DPP10: variants seen among roughly 807,000 people sequenced by gnomAD.
DPP10 encodes the protein dipeptidyl peptidase like 10, also known as inactive dipeptidyl peptidase 10.
In DPP10, 33 loss-of-function variants were observed where a neutral mutation model predicts 120.9. The ratio of observed to expected loss-of-function variants is 0.27; its 90% CI spans 0.21 to 0.37. DPP10 has a LOEUF of 0.37. Among genes scored for constraint, DPP10 ranks in the 10% least tolerant of loss-of-function variants. The pLI, the probability that DPP10 is intolerant of heterozygous loss-of-function variation, is 1.00. For synonymous variants in DPP10, 337 were observed against 326.1 expected (o/e 1.03, Z -0.36); for missense variants, 816 against 942.8 (o/e 0.87, Z 1.76).
At chr2:114,956,986 C>CAAA (rs764400761) in intron 1 of DPP10, among the ~76,000 whole-genome samples, 27,660 of 106,114 alleles carry the variant, frequency 0.26, 3,064 homozygotes, top group Middle Eastern at 0.41. Flanking sequence ...TAAAACTATT[C>CAAA]AAAAAAAAAA....
intron 3 of DPP10, among the ~76,000 whole-genome samples, chr2:115,493,056 G>C (rs1260535132): frequency 6.6e-6 from 1 of 151,940 alleles, no homozygotes; most frequent in Non-Finnish European, 1.5e-5. Context: ...CTATTTTATA[G>C]GCTATCGGTA....
rs555683890 is a variant in DPP10, at chr2:114,443,104, T to C, written c.60+266T>C. On this transcript the variant is annotated intron_variant, in intron 1 of 25. Transcript: ENST00000410059. ...GAGGTATATTTCCAGAAGAAAGTTT[T>C]GTGAGTGTCTAGAAGAGTTTCCAGT... 5.9e-5 allele frequency among the ~76,000 whole-genome samples: 9 copies of C among 152,270 alleles called. No individual in the cohort carries two copies. In the East Asian group the frequency reaches 1.7e-3, roughly 29 times the overall value.
chr2:115,470,321 C>T (rs972067221), intron 3 of DPP10, among the ~76,000 whole-genome samples: 3 of 152,134 alleles, frequency 2.0e-5, no homozygotes, highest in Non-Finnish European at 4.4e-5. Context: ...TTTTAGAGGA[C>T]AACCCAACGT....
At chr2:115,263,423 C>T (rs2059334631) in intron 1 of DPP10, among the ~76,000 whole-genome samples, 1 of 152,130 alleles carries the variant, frequency 6.6e-6, no homozygotes, top group Non-Finnish European at 1.5e-5. Flanking sequence ...GACTTTGGCC[C>T]CTGGCCTAGA....
At chr2:115,405,976 A>G (rs185667970) in intron 3 of DPP10, among the ~76,000 whole-genome samples, 7 of 152,294 alleles carry the variant, frequency 4.6e-5, no homozygotes, top group Admixed American at 1.3e-4. Flanking sequence ...TGTTCTCTTC[A>G]CACTAATCTA....
At chr2:115,701,196 G>T (rs2091873256) in intron 7 of DPP10, among the ~76,000 whole-genome samples, 1 of 152,094 alleles carries the variant, frequency 6.6e-6, no homozygotes, top group Non-Finnish European at 1.5e-5. Context: ...TTACTACAAT[G>T]TATAGAATTC....
intron 1 of DPP10, among the ~76,000 whole-genome samples, chr2:115,122,980 A>G (rs1475828544): frequency 2.6e-5 from 4 of 152,204 alleles, no homozygotes; most frequent in Admixed American, 1.3e-4. Context: ...AAGGGGAGAA[A>G]GAATCCATGT....
chr2:114,788,778 T>A (rs192235350), intron 1 of DPP10, among the ~76,000 whole-genome samples: 28 of 152,324 alleles, frequency 1.8e-4, no homozygotes, highest in African/African-American at 6.3e-4. Context: ...TCGTGTGCAT[T>A]TCCTTGACTT....
At chr2:114,607,146 A>C (rs1182117792) in intron 1 of DPP10, among the ~76,000 whole-genome samples, 1 of 152,190 alleles carries the variant, frequency 6.6e-6, no homozygotes, top group African/African-American at 2.4e-5. Flanking sequence ...TGGATCAAAC[A>C]AATAACAGGG....
At chr2:115,065,825 A>G (rs1449833114) in intron 1 of DPP10, among the ~76,000 whole-genome samples, 1 of 152,078 alleles carries the variant, frequency 6.6e-6, no homozygotes, top group Non-Finnish European at 1.5e-5. Flanking sequence ...CATTTTTATC[A>G]TTGTTAGTTT....
intron 3 of DPP10, among the ~76,000 whole-genome samples, chr2:115,483,674 C>G (rs1454801450): frequency 6.6e-6 from 1 of 152,112 alleles, no homozygotes; most frequent in African/African-American, 2.4e-5. Flanking sequence ...AAAATGTACT[C>G]TCCACATTCA....
chr2:115,462,489 A>G (rs2074048070), intron 3 of DPP10, among the ~76,000 whole-genome samples: 1 of 152,050 alleles, frequency 6.6e-6, no homozygotes, highest in Non-Finnish European at 1.5e-5. Flanking sequence ...CCTTGGTATG[A>G]CACACCTCCA....
intron 1 of DPP10, among the ~76,000 whole-genome samples, chr2:114,558,955 T>C (rs536701129): frequency 6.6e-6 from 1 of 152,202 alleles, no homozygotes; most frequent in African/African-American, 2.4e-5. Flanking sequence ...TGTCCAAGTA[T>C]ATCTCCATGC....
intron 1 of DPP10, among the ~76,000 whole-genome samples, chr2:115,166,609 AACAT>A (rs1297125520): frequency 1.7e-5 from 2 of 120,878 alleles, no homozygotes; most frequent in Admixed American, 1.5e-4. Flanking sequence ...GTTTATTAAG[AACAT>A]ACAACAAATA....
chr2:114,741,109 C>T (rs1393616520), intron 1 of DPP10, among the ~76,000 whole-genome samples: 1 of 152,116 alleles, frequency 6.6e-6, no homozygotes, highest in East Asian at 1.9e-4. Context: ...ACTTGAAGCT[C>T]AAATAGGGAA....
At chr2:115,031,455 C>T (rs575791482) in intron 1 of DPP10, among the ~76,000 whole-genome samples, 74 of 152,174 alleles carry the variant, frequency 4.9e-4, no homozygotes, top group African/African-American at 1.6e-3. Flanking sequence ...TGTTCCTCAC[C>T]CCTGTTGACC....
chr2:114,658,699 C>G (rs1697152544), intron 1 of DPP10, among the ~76,000 whole-genome samples: 2 of 152,162 alleles, frequency 1.3e-5, no homozygotes. Context: ...CCCGGTATAA[C>G]AGATAAATTG....
intron 1 of DPP10, among the ~76,000 whole-genome samples, chr2:114,916,439 C>G (rs1055110904): frequency 3.9e-5 from 6 of 152,098 alleles, no homozygotes; most frequent in Admixed American, 3.3e-4. Context: ...TTCAAAAAAT[C>G]AAAGAGGAGG....
chr2:115,098,431 C>T (rs979432072), intron 1 of DPP10, among the ~76,000 whole-genome samples: 12 of 152,048 alleles, frequency 7.9e-5, no homozygotes, highest in East Asian at 1.9e-4. Flanking sequence ...AGCATACTTA[C>T]GGAAACCTAG....
Sources: gnomAD v4.1 joint callset for allele counts (sites outside exome capture counted in the v4.1 genomes callset) on GRCh38, gnomAD v4.1.1 for gene constraint, MANE v1.5 for transcripts, NCBI Gene and HGNC (gene_info 2026-07-23, HGNC 2026-07-21) for gene names.